P2RY14: variants seen among roughly 807,000 people sequenced by gnomAD.
P2RY14 encodes purinergic receptor P2Y14.
Under a neutral mutation model 0.9 loss-of-function variants are expected in P2RY14, and 2 were observed. The ratio of observed to expected loss-of-function variants is 2.16; its 90% confidence interval spans 0.88 to 6.79. The LOEUF is 6.79. Ranked by LOEUF, P2RY14 falls within the 30% of genes most tolerant of loss-of-function variation. The pLI is 0.05. For synonymous variants in P2RY14, 158 were observed against 147.2 expected (o/e 1.07, Z -0.53); for missense variants, 378 against 400.1 (o/e 0.94, Z 0.47).
intron 1 of P2RY14, among the ~76,000 whole-genome samples, chr3:151,256,223 T>A (rs540998580): frequency 6.6e-6 from 1 of 152,322 alleles, no homozygotes; most frequent in South Asian, 2.1e-4. Flanking sequence ...TATTTTCAAA[T>A]TATAAATCTA....
intron 1 of P2RY14, among the ~76,000 whole-genome samples, chr3:151,275,824 A>T (rs1741755275): frequency 6.6e-6 from 1 of 152,122 alleles, no homozygotes; most frequent in African/African-American, 2.4e-5. Context: ...TCTCATTAAG[A>T]TAGGATATTT....
At chr3:151,234,774 G>C (rs1732388654) in intron 1 of P2RY14, among the ~76,000 whole-genome samples, 1 of 152,128 alleles carries the variant, frequency 6.6e-6, no homozygotes, top group Admixed American at 6.5e-5. Flanking sequence ...GGAGAAGCCT[G>C]GCATAAGTGA....
intron 1 of P2RY14, among the ~76,000 whole-genome samples, chr3:151,260,839 A>T (rs1738729230): frequency 6.6e-6 from 1 of 152,104 alleles, no homozygotes; most frequent in Admixed American, 6.6e-5. Context: ...CCTTAGTTGT[A>T]TTCAGACTAA....
At chr3:151,229,398 C>T (rs1308252157) in intron 1 of P2RY14, among the ~76,000 whole-genome samples, 25 of 151,218 alleles carry the variant, frequency 1.7e-4, no homozygotes, top group Non-Finnish European at 2.7e-4. Context: ...ACCTCGCCTC[C>T]CGGGTTCAAG....
chr3:151,213,577 A>G lies in P2RY14; in HGVS notation c.740T>C (p.Val247Ala). ...SIVFVFFVCF[V>A]PYHIARIPYT... ...GGGGATTCTGGCAATATGGTAAGGT[A>G]CAAAACAGACAAAAAACACAAACAC... Residue 247 changes from valine (V) to alanine (A), a missense_variant, in exon 3 of 3, where the codon GTA (valine) becomes GCA (alanine). Physicochemically the swap from Val to Ala is moderately conservative, Grantham distance 64 (BLOSUM62 0). Coordinates refer to ENST00000309170, the MANE Select transcript of P2RY14 (RefSeq NM_014879.4). The G allele has an allele frequency of 6.2e-7, 1 of 1,614,210 alleles. No individual in the cohort carries two copies. Among genetic ancestry groups the G allele is most frequent in the Non-Finnish European group, 8.5e-7 (1 of 1,180,024 alleles).
chr3:151,224,716 C>T (rs1418637517), intron 1 of P2RY14, among the ~76,000 whole-genome samples: 1 of 152,188 alleles, frequency 6.6e-6, no homozygotes. Context: ...AAGTTTGACA[C>T]TCACCACACT....
chr3:151,272,363 C>T (rs1482410028), intron 1 of P2RY14, among the ~76,000 whole-genome samples: 2 of 152,176 alleles, frequency 1.3e-5, no homozygotes, highest in East Asian at 3.8e-4. Context: ...TTTTTCTACT[C>T]AGTATATCAT....
intron 2 of P2RY14, among the ~76,000 whole-genome samples, chr3:151,217,100 CTG>C (rs1199471908): frequency 1.3e-5 from 2 of 152,012 alleles, no homozygotes; most frequent in African/African-American, 2.4e-5. Flanking sequence ...GAAATAATAA[CTG>C]TGTAATATAT....
intron 1 of P2RY14, among the ~76,000 whole-genome samples, chr3:151,229,291 T>C (rs937980563): frequency 2.7e-5 from 4 of 150,226 alleles, no homozygotes; most frequent in Non-Finnish European, 4.4e-5. Flanking sequence ...TAATAACTTA[T>C]AAATTCAGCA....
At chr3:151,233,218 C>T (rs1050309760) in intron 1 of P2RY14, among the ~76,000 whole-genome samples, 3 of 152,212 alleles carry the variant, frequency 2.0e-5, no homozygotes, top group Non-Finnish European at 4.4e-5. Context: ...GGGTAGCACT[C>T]TCGTGCCCTC....
At chr3:151,261,999 T>G (rs1022662098) in intron 1 of P2RY14, among the ~76,000 whole-genome samples, 1 of 152,196 alleles carries the variant, frequency 6.6e-6, no homozygotes, top group Admixed American at 6.5e-5. Context: ...TGTGCTAAGA[T>G]TACAGGTATG....
chr3:151,269,441 A>ACACACACACACACAC (rs1559962861), intron 1 of P2RY14: 19 of 231,344 alleles, frequency 8.2e-5, no homozygotes, highest in Middle Eastern at 1.5e-3. Flanking sequence ...ACACACACAC[A>ACACACACACACACAC]AAATTCAGAG....
intron 1 of P2RY14, among the ~76,000 whole-genome samples, chr3:151,277,130 C>T (rs1014977887): frequency 6.6e-6 from 1 of 151,826 alleles, no homozygotes; most frequent in African/African-American, 2.4e-5. Flanking sequence ...AACTCCTGAC[C>T]AGCCTCTCCT....
In P2RY14 at chr3:151,252,328, A is replaced by G. The variant is rs142923365; in HGVS notation, c.-133+25959T>C. Among the ~76,000 whole-genome samples the G allele has an allele frequency of 3.4e-3, 523 of 152,284 alleles. 1 individual carries two copies. The highest frequency in any genetic ancestry group is 0.012 in the African/African-American group (492 of 41,570). On this transcript the variant is annotated intron_variant, in intron 1 of 2. Transcript: ENST00000309170. Reference sequence around the variant, plus strand: ...GTTCCATTATTGGGACACTAAGCTCATGGGAGTTATTCATATCCTATTGCT... The same window carrying G: ...GTTCCATTATTGGGACACTAAGCTCGTGGGAGTTATTCATATCCTATTGCT...
chr3:151,240,876 T>C (rs1364642517), intron 1 of P2RY14, among the ~76,000 whole-genome samples: 3 of 152,240 alleles, frequency 2.0e-5, no homozygotes, highest in Non-Finnish European at 4.4e-5. Context: ...GACTTTATTC[T>C]TCAAGTACCA....
At chr3:151,228,425 A>G (rs1437688971) in intron 1 of P2RY14, among the ~76,000 whole-genome samples, 1 of 152,084 alleles carries the variant, frequency 6.6e-6, no homozygotes, top group Non-Finnish European at 1.5e-5. Flanking sequence ...CTCAGCTGAT[A>G]ACAGAATAAA....
At chr3:151,223,601 C>T (rs1729859080) in intron 1 of P2RY14, among the ~76,000 whole-genome samples, 1 of 152,124 alleles carries the variant, frequency 6.6e-6, no homozygotes, top group South Asian at 2.1e-4. Context: ...AAACCAAATA[C>T]CACATATTTT....
chr3:151,255,032 GTAT>G (rs1045576784), intron 1 of P2RY14, among the ~76,000 whole-genome samples: 41 of 152,136 alleles, frequency 2.7e-4, no homozygotes, highest in African/African-American at 9.9e-4. Flanking sequence ...TATAAATATA[GTAT>G]TATACTCATA....
chr3:151,232,007 C>T (rs917425439), intron 1 of P2RY14, among the ~76,000 whole-genome samples: 10 of 152,180 alleles, frequency 6.6e-5, no homozygotes, highest in African/African-American at 9.6e-5. Flanking sequence ...TATACACACA[C>T]GTGTGTGTGT....
Sources: gnomAD v4.1 joint callset for allele counts (sites outside exome capture counted in the v4.1 genomes callset) on GRCh38, gnomAD v4.1.1 for gene constraint, MANE v1.5 for transcripts, NCBI Gene and HGNC (gene_info 2026-07-23, HGNC 2026-07-21) for gene names.